The following HTR2C variants were observed in gnomAD, a reference collection of about 807,000 sequenced individuals.
HTR2C encodes 5-hydroxytryptamine receptor 2C.
In HTR2C, 5 loss-of-function variants were observed where a neutral mutation model predicts 21.0. The ratio of observed to expected loss-of-function variants is 0.24; its 90% confidence interval spans 0.12 to 0.50. The LOEUF is 0.50. HTR2C is among the 20% of genes least tolerant of loss of function. HTR2C has a pLI of 0.98. For synonymous variants in HTR2C, 150 were observed against 145.3 expected, an observed-to-expected ratio of 1.03 and a Z score of -0.23; for missense variants, 271 against 371.2, an observed-to-expected ratio of 0.73 and a Z score of 2.22.
intron 2 of HTR2C, among the ~76,000 whole-genome samples, chrX:114,725,763 A>G: frequency 9.1e-6 from 1 of 110,378 alleles, no homozygotes; most frequent in Non-Finnish European, 1.9e-5. Flanking sequence ...GGTCTTTTGG[A>G]GTACCCGGCC....
chrX:114,704,435 A>G (rs1386154466), intron 2 of HTR2C, among the ~76,000 whole-genome samples: 4 of 111,762 alleles, frequency 3.6e-5, no homozygotes, highest in Admixed American at 1.9e-4. Flanking sequence ...AATCCAGCAT[A>G]TAAACGGAAC....
intron 1 of HTR2C, among the ~76,000 whole-genome samples, chrX:114,610,723 A>G (rs1928689599): frequency 8.9e-6 from 1 of 111,910 alleles, no homozygotes; most frequent in South Asian, 3.7e-4. Flanking sequence ...AATTTAAAAA[A>G]TAATACTTTG....
chrX:114,798,877 C>T (rs2070320008), intron 4 of HTR2C, among the ~76,000 whole-genome samples: 1 of 110,536 alleles, frequency 9.0e-6, no homozygotes, highest in Admixed American at 9.8e-5. Context: ...GGAAACATCT[C>T]CTGTTAATTA....
intron 4 of HTR2C, among the ~76,000 whole-genome samples, chrX:114,817,992 C>T (rs1378614613): frequency 1.3e-4 from 15 of 111,593 alleles, no homozygotes; most frequent in Non-Finnish European, 2.6e-4. Flanking sequence ...AAAGATTGAA[C>T]ACTGTGACAA....
At chrX:114,799,698 A>G (rs781972306) in intron 4 of HTR2C, among the ~76,000 whole-genome samples, 2 of 110,798 alleles carry the variant, frequency 1.8e-5, no homozygotes, top group South Asian at 7.5e-4. Context: ...TAAGTAAGAC[A>G]CTTACTTTGA....
intron 4 of HTR2C, among the ~76,000 whole-genome samples, chrX:114,818,632 T>C (rs1478753056): frequency 1.8e-5 from 2 of 111,503 alleles, no homozygotes; most frequent in Non-Finnish European, 3.8e-5. Flanking sequence ...CCTTCCTAGC[T>C]CTCTAGGTCA....
At chrX:114,615,510 C>G (rs1326264625) in intron 2 of HTR2C, among the ~76,000 whole-genome samples, 1 of 111,973 alleles carries the variant, frequency 8.9e-6, no homozygotes, top group Non-Finnish European at 1.9e-5. Flanking sequence ...GTTTTCAATG[C>G]GTTGGTGAAA....
intron 5 of HTR2C, among the ~76,000 whole-genome samples, chrX:114,877,530 G>A (rs2071148330): frequency 9.1e-6 from 1 of 110,107 alleles, no homozygotes; most frequent in Admixed American, 9.7e-5. Flanking sequence ...CCTTGGTGTA[G>A]AGTTATTTAT....
chrX:114,841,087 G>A (rs1381119943), intron 4 of HTR2C, among the ~76,000 whole-genome samples: 1 of 111,875 alleles, frequency 8.9e-6, no homozygotes, highest in Non-Finnish European at 1.9e-5. Flanking sequence ...TAACCTTCCA[G>A]AATATTTCAA....
chrX:114,756,264 C>T (rs782480255), intron 4 of HTR2C, among the ~76,000 whole-genome samples: 1 of 112,022 alleles, frequency 8.9e-6, no homozygotes, highest in African/African-American at 3.2e-5. Context: ...TAAAATGGGA[C>T]AGTAGCTTTG....
At chrX:114,852,828 TG>T (rs782781130) in intron 5 of HTR2C, among the ~76,000 whole-genome samples, 33 of 109,588 alleles carry the variant, frequency 3.0e-4, no homozygotes, top group East Asian at 1.7e-3. Flanking sequence ...GTGTCTGTCT[TG>T]TGTGTTTGTG....
At chrX:114,693,098 A>G (rs1932158401) in intron 2 of HTR2C, among the ~76,000 whole-genome samples, 1 of 111,773 alleles carries the variant, frequency 8.9e-6, no homozygotes, top group African/African-American at 3.2e-5. Flanking sequence ...ATATTCCCTC[A>G]AGTAACTGTT....
chrX:114,835,867 T>C (rs1324064756), intron 4 of HTR2C, among the ~76,000 whole-genome samples: 1 of 109,938 alleles, frequency 9.1e-6, no homozygotes, highest in African/African-American at 3.3e-5. Flanking sequence ...ATGATGGTGA[T>C]GTACAGATGG....
At chrX:114,712,515 G>A (rs140837790) in intron 2 of HTR2C, among the ~76,000 whole-genome samples, 43 of 112,138 alleles carry the variant, frequency 3.8e-4, no homozygotes, top group African/African-American at 1.1e-3. Context: ...CATAATATGC[G>A]TATTATATCT....
At chrX:114,890,616 A>G (rs1378184767) in intron 5 of HTR2C, among the ~76,000 whole-genome samples, 1 of 112,292 alleles carries the variant, frequency 8.9e-6, no homozygotes, top group African/African-American at 3.2e-5. Context: ...CTTACTGGAT[A>G]TAGAATTGTT....
At chrX:114,796,527 C>A (rs1230824823) in intron 4 of HTR2C, among the ~76,000 whole-genome samples, 1 of 111,313 alleles carries the variant, frequency 9.0e-6, no homozygotes, top group Non-Finnish European at 1.9e-5. Flanking sequence ...TTACTTTAAT[C>A]AGTTCTTAAA....
intron 2 of HTR2C, among the ~76,000 whole-genome samples, chrX:114,632,357 A>G (rs782710680): frequency 1.8e-5 from 2 of 111,914 alleles, no homozygotes; most frequent in Non-Finnish European, 3.8e-5. Context: ...CATGGCCCTC[A>G]TTAACCCAAG....
At chrX:114,896,536 G>A (rs1279779443) in intron 5 of HTR2C, among the ~76,000 whole-genome samples, 2 of 111,972 alleles carry the variant, frequency 1.8e-5, no homozygotes, top group African/African-American at 3.2e-5. Flanking sequence ...GTCACTGGGG[G>A]AAACACATTT....
chrX:114,727,443 A>G (rs782614729), intron 3 of HTR2C, among the ~76,000 whole-genome samples: 1 of 111,829 alleles, frequency 8.9e-6, no homozygotes, highest in South Asian at 3.8e-4. Context: ...CCTCAGAAGT[A>G]TTGATGCAGT....
Sources: allele counts gnomAD v4.1 joint callset (sites outside exome capture counted in the v4.1 genomes callset), GRCh38; gene constraint gnomAD v4.1.1; transcripts MANE v1.5; gene names NCBI Gene and HGNC (gene_info 2026-07-23, HGNC 2026-07-21).